The following ANKRD62 variants were observed in gnomAD, a reference collection of about 807,000 sequenced individuals.
ANKRD62 encodes ankyrin repeat domain-containing protein 62.
ANKRD62 carries 61 observed loss-of-function variants against 98.8 expected under a neutral mutation model. The ratio of observed to expected loss-of-function variants is 0.62; its 90% confidence interval spans 0.50 to 0.76. The LOEUF (loss-of-function observed/expected upper bound fraction) is 0.76, where lower values mean the gene tolerates loss of function less well. Ranked by LOEUF, ANKRD62 falls within the 30% of genes least tolerant of loss-of-function variation. ANKRD62 has a pLI of 0.00. For synonymous variants in ANKRD62, 341 were observed against 367.9 expected (o/e 0.93, Z 0.84); for missense variants, 933 against 1,082.9 (o/e 0.86, Z 1.94).
intron 8 of ANKRD62, among the ~76,000 whole-genome samples, chr18:12,107,808 G>A (rs921243327): frequency 2.0e-5 from 3 of 152,022 alleles, no homozygotes; most frequent in African/African-American, 7.2e-5. Flanking sequence ...TTACTTCTGG[G>A]ACTAGATTCT....
chr18:12,180,841 C>G, the ANKRD62 span, among the ~76,000 whole-genome samples: 3 of 149,176 alleles, frequency 2.0e-5, no homozygotes, highest in Non-Finnish European at 4.5e-5. Context: ...ATGTGCACAA[C>G]GTGCAGGTTT....
At chr18:12,116,351 A>G (rs933482161) in intron 10 of ANKRD62, among the ~76,000 whole-genome samples, 1 of 152,232 alleles carries the variant, frequency 6.6e-6, no homozygotes, top group Non-Finnish European at 1.5e-5. Context: ...TGCAGTATTT[A>G]TTTGTAGCCA....
the ANKRD62 span, among the ~76,000 whole-genome samples, chr18:12,181,288 CAATA>C: frequency 1.3e-5 from 2 of 152,090 alleles, no homozygotes; most frequent in South Asian, 2.1e-4. Flanking sequence ...ATTGAAAATG[CAATA>C]AATAAATTAG....
intron 10 of ANKRD62, among the ~76,000 whole-genome samples, chr18:12,121,691 A>G (rs1183353002): frequency 1.3e-5 from 2 of 152,154 alleles, no homozygotes; most frequent in East Asian, 3.8e-4. Flanking sequence ...TCTGTCAACA[A>G]AAGAAGCTCT....
intron 6 of ANKRD62, chr18:12,102,673 A>T (rs1909329610): frequency 1.0e-6 from 1 of 1,000,068 alleles, no homozygotes; most frequent in Non-Finnish European, 1.2e-6. Flanking sequence ...TCAGAATAGT[A>T]GAGGAAGACA....
At chr18:12,130,673 CTTT>C (rs58637656), downstream of ANKRD62, among the ~76,000 whole-genome samples, 9 of 145,736 alleles carry the variant, frequency 6.2e-5, no homozygotes, top group African/African-American at 1.5e-4. Context: ...CAATGTTTTA[CTTT>C]TTTTTTTTTT....
At chr18:12,171,283 T>A in the ANKRD62 span, among the ~76,000 whole-genome samples, 4 of 152,350 alleles carry the variant, frequency 2.6e-5, no homozygotes, top group South Asian at 8.3e-4. Context: ...TACCGGTTGT[T>A]CCTTTCCATG....
intron 10 of ANKRD62, among the ~76,000 whole-genome samples, chr18:12,118,198 A>G (rs1020387003): frequency 1.3e-5 from 2 of 152,086 alleles, no homozygotes; most frequent in African/African-American, 4.8e-5. Context: ...AATCCTCAGT[A>G]CTCTGCCTGT....
the ANKRD62 span, among the ~76,000 whole-genome samples, chr18:12,172,512 C>T: frequency 1.6e-4 from 25 of 152,226 alleles, no homozygotes; most frequent in Non-Finnish European, 3.4e-4. Context: ...GCCACCCTGC[C>T]ATATGAGGTG....
At chr18:12,105,553 G>GA (rs1909394221) in intron 7 of ANKRD62, among the ~76,000 whole-genome samples, 1 of 151,954 alleles carries the variant, frequency 6.6e-6, no homozygotes, top group Non-Finnish European at 1.5e-5. Context: ...GCTCTTCTTA[G>GA]AAAGAAAAAA....
rs1598739923 is a variant in ANKRD62 at position 12,129,737 on chromosome 18, G to C, written c.*1798G>C. On this transcript the variant is annotated 3_prime_UTR_variant, in exon 14 of 14. Transcript: ENST00000587848. Reference sequence around the variant, plus strand: ...CACTCCAGCCTGGGCGACAGAGCAAGACTCTGTCTCAAAAAAAAAAAAAAA... The same window carrying C: ...CACTCCAGCCTGGGCGACAGAGCAACACTCTGTCTCAAAAAAAAAAAAAAA... The C allele has an allele frequency of 3.6e-5, 4 of 110,704 alleles. No individual in the cohort carries two copies. The highest frequency in any genetic ancestry group is 5.3e-5 in the Non-Finnish European group (3 of 57,118). 6.9% of individuals were successfully genotyped at this position (110,704 alleles called of 1,614,324 possible).
chr18:12,156,139 C>T, the ANKRD62 span, among the ~76,000 whole-genome samples: 7 of 151,830 alleles, frequency 4.6e-5, no homozygotes, highest in Non-Finnish European at 1.0e-4. Context: ...GACACACCCG[C>T]CTGCTCCCCC....
chr18:12,121,621 T>G (rs1185904076), intron 10 of ANKRD62, among the ~76,000 whole-genome samples: 2 of 152,178 alleles, frequency 1.3e-5, no homozygotes, highest in Non-Finnish European at 2.9e-5. Flanking sequence ...ATTCTTAGCG[T>G]CACCACCCCA....
At chr18:12,112,111 C>CAA (rs34392499) in intron 8 of ANKRD62, among the ~76,000 whole-genome samples, 1,330 of 29,330 alleles carry the variant, frequency 0.045, 35 homozygotes, top group African/African-American at 0.092. Flanking sequence ...GACTCCAACT[C>CAA]AAAAAAAAAA....
rs1290882700 is a variant in ANKRD62 at position 12,095,452 on chromosome 18, G to A, written c.349G>A (p.Glu117Lys). 2 of 1,573,118 alleles carry A rather than the reference G, an allele frequency of 1.3e-6. No homozygotes were observed. Among genetic ancestry groups the A allele is most frequent in the Non-Finnish European group, 1.7e-6 (2 of 1,164,442 alleles). Residue 117 changes from glutamate to lysine, a missense_variant, in exon 3 of 14, where the codon GAA (glutamate) becomes AAA (lysine). Glu to Lys is a moderately conservative substitution (Grantham distance 56, BLOSUM62 1). This residue lies in a region of ANKRD62 where 549 missense variants were observed against 587.9 expected (regional missense o/e 0.93). Coordinates refer to ENST00000587848, the MANE Select transcript of ANKRD62 (RefSeq NM_001277333.2). ...ATACTGACAGGCTGTACAATGTCAA[G>A]AAGAAGTTTGTGCATCCATCCTGCT... Reference protein sequence around the residue: ...TALIKAVQCQEEVCASILLEH... With the variant: ...TALIKAVQCQKEVCASILLEH...
chr18:12,181,170 G>C, the ANKRD62 span, among the ~76,000 whole-genome samples: 1 of 151,670 alleles, frequency 6.6e-6, no homozygotes, highest in African/African-American at 2.4e-5. Context: ...TAAAATGGCA[G>C]CATAGCTTTG....
the ANKRD62 span, among the ~76,000 whole-genome samples, chr18:12,176,191 CAAAAACGA>C: frequency 1.3e-5 from 2 of 151,236 alleles, no homozygotes; most frequent in Non-Finnish European, 2.9e-5. Context: ...GACTCCTTCT[CAAAAACGA>C]AAAAAAATTA....
At chr18:12,112,282 A>G (rs1259024939) in intron 8 of ANKRD62, among the ~76,000 whole-genome samples, 1 of 152,202 alleles carries the variant, frequency 6.6e-6, no homozygotes, top group Non-Finnish European at 1.5e-5. Context: ...AGCAAAAAGA[A>G]CAAAGCTGGA....
At chr18:12,122,555 T>C in intron 11 of ANKRD62, 39 bp downstream of exon 11, 1 of 1,457,486 alleles carries the variant, frequency 6.9e-7, no homozygotes, top group Non-Finnish European at 9.1e-7. Context: ...TTCAACTATT[T>C]ATACTAAGGA....
Sources: gnomAD v4.1 joint callset for allele counts (sites outside exome capture counted in the v4.1 genomes callset) on GRCh38, gnomAD v4.1.1 for gene constraint, gnomAD v4.1.1 regional missense constraint, MANE v1.5 for transcripts, NCBI Gene and HGNC (gene_info 2026-07-23, HGNC 2026-07-21) for gene names.